SEZ6L: variants seen among roughly 807,000 people sequenced by gnomAD.
SEZ6L encodes the protein seizure 6-like protein.
A neutral mutation model predicts 106.2 loss-of-function variants in SEZ6L; 37 were observed. The ratio of observed to expected loss-of-function variants is 0.35; its 90% confidence interval spans 0.27 to 0.46. The LOEUF is 0.46. SEZ6L is among the 20% of genes least tolerant of loss of function. The probability of loss-of-function intolerance (pLI) is 1.00; values close to 1 mark genes in which losing one functional copy is unlikely to be tolerated. For synonymous variants in SEZ6L, 541 were observed against 570.4 expected (o/e 0.95, Z 0.73); for missense variants, 1,172 against 1,332.8 (o/e 0.88, Z 1.88).
Position 26,208,848 on chromosome 22 carries a change from CTCTGTGTGTGTG to C in SEZ6L, c.94+39087_94+39098del, listed in dbSNP as rs1459268309. On this transcript the variant is annotated intron_variant, in intron 1 of 16. Transcript: ENST00000248933. The stretch of plus-strand genomic sequence containing the variant: ...GTTTTTTTCTACTTCTTGACTCTCT[CTCTGTGTGTGTG>C]TGTGTGTGTGTGTGTGTGTGTGTGT... Among the ~76,000 whole-genome samples, 689 of 106,894 alleles carry C rather than the reference CTCTGTGTGTGTG, an allele frequency of 6.4e-3. 12 individuals carry two copies. Among genetic ancestry groups the C allele is most frequent in the South Asian group, 0.061 (196 of 3,210 alleles). The allele number at this position is 106,894 out of a possible 152,430, so 70.1% of individuals were successfully genotyped here.
chr22:26,289,909 A>T (rs1207519066), intron 1 of SEZ6L, among the ~76,000 whole-genome samples: 3 of 152,190 alleles, frequency 2.0e-5, no homozygotes, highest in African/African-American at 4.8e-5. Context: ...CTATCTAGAC[A>T]TCTTCACGGG....
Position 26,381,962 on chromosome 22 carries a change from C to T in SEZ6L, c.*1667C>T, listed in dbSNP as rs1227754049. The T allele has an allele frequency of 2.0e-5, 10 of 511,128 alleles. No homozygotes were observed. Among genetic ancestry groups the T allele is most frequent in the Non-Finnish European group, 3.5e-5 (9 of 255,998 alleles). The allele number at this position is 511,128 out of a possible 1,614,324, so 31.7% of individuals were successfully genotyped here. ...CAGGGAGTCTATGTTTTGGTGGTTA[C>T]ATTGGAAACATCTTAAGCAAGATAG... is the stretch of plus-strand genomic sequence containing the variant. On this transcript the variant is annotated 3_prime_UTR_variant, in exon 17 of 17. Coordinates refer to ENST00000248933, the MANE Select transcript of SEZ6L (RefSeq NM_021115.5).
At chr22:26,264,374 A>G (rs970986318) in intron 1 of SEZ6L, among the ~76,000 whole-genome samples, 4 of 152,226 alleles carry the variant, frequency 2.6e-5, no homozygotes, top group Non-Finnish European at 4.4e-5. Context: ...CAAATCACTT[A>G]ACCTCTCTGA....
At chr22:26,373,358 C>T in intron 13 of SEZ6L, 93 bp from the exon 14 acceptor site, 2 of 1,054,612 alleles carry the variant, frequency 1.9e-6, no homozygotes, top group Admixed American at 2.2e-5. Context: ...CAAAGCATGG[C>T]ATGGGCTTTT....
chr22:26,379,659 C>T (rs1189210118), intron 16 of SEZ6L, among the ~76,000 whole-genome samples: 5 of 152,194 alleles, frequency 3.3e-5, no homozygotes, highest in Non-Finnish European at 7.3e-5. Context: ...ATGTTGTAGT[C>T]GTTTCACATG....
chr22:26,229,561 C>T (rs80281671), intron 1 of SEZ6L, among the ~76,000 whole-genome samples: 3,786 of 152,290 alleles, frequency 0.025, 160 homozygotes, highest in African/African-American at 0.087. Context: ...CAATCTGTGA[C>T]TTAAGAAACA....
At chr22:26,300,514 A>G (rs1397291640) in intron 5 of SEZ6L, among the ~76,000 whole-genome samples, 1 of 152,184 alleles carries the variant, frequency 6.6e-6, no homozygotes, top group Non-Finnish European at 1.5e-5. Flanking sequence ...ATAGTATTCC[A>G]TGGTGTATAT....
At chr22:26,372,335 C>T (rs1468061885) in intron 13 of SEZ6L, among the ~76,000 whole-genome samples, 1 of 152,200 alleles carries the variant, frequency 6.6e-6, no homozygotes, top group Non-Finnish European at 1.5e-5. Context: ...TTCTAAGATT[C>T]CATGGACATT....
intron 1 of SEZ6L, among the ~76,000 whole-genome samples, chr22:26,253,752 T>C (rs1429001859): frequency 6.6e-6 from 1 of 152,224 alleles, no homozygotes; most frequent in African/African-American, 2.4e-5. Context: ...CCTGTGTATG[T>C]ATAAAAAACA....
intron 9 of SEZ6L, among the ~76,000 whole-genome samples, chr22:26,329,706 C>G (rs973321910): frequency 1.3e-5 from 2 of 152,186 alleles, no homozygotes; most frequent in Non-Finnish European, 2.9e-5. Flanking sequence ...CTGAAATGAG[C>G]ACAGAGGCCT....
chr22:26,350,903 G>A (rs1271117859), intron 11 of SEZ6L, 149 bp from the exon 12 acceptor site: 11 of 639,362 alleles, frequency 1.7e-5, no homozygotes, highest in Middle Eastern at 4.5e-4. Context: ...TGATCCACCC[G>A]CCTCGGCCTC....
At chr22:26,206,502 A>G (rs867343557) in intron 1 of SEZ6L, among the ~76,000 whole-genome samples, 1 of 152,252 alleles carries the variant, frequency 6.6e-6, no homozygotes, top group Non-Finnish European at 1.5e-5. Flanking sequence ...TAAGGAAACT[A>G]AAACCCAGAA....
chr22:26,211,435 A>G (rs1029491200), intron 1 of SEZ6L, among the ~76,000 whole-genome samples: 2 of 152,154 alleles, frequency 1.3e-5, no homozygotes, highest in African/African-American at 4.8e-5. Flanking sequence ...GGCCCAGAAT[A>G]TAAGTTCTAA....
intron 1 of SEZ6L, among the ~76,000 whole-genome samples, chr22:26,247,887 T>C (rs1201252047): frequency 6.6e-6 from 1 of 152,074 alleles, no homozygotes; most frequent in Non-Finnish European, 1.5e-5. Context: ...ACTTAAACGG[T>C]CTCCAGATGA....
rs117060775 is a variant in SEZ6L at position 26,210,133 on chromosome 22, C to A, written c.94+40370C>A. Among the ~76,000 whole-genome samples the A allele has an allele frequency of 2.8e-4, 43 of 152,306 alleles. No homozygotes were observed. The East Asian group carries it at 7.7e-3, about 27-fold the overall frequency. ...GGAGGATGACACTTAGTCCAACCAC[C>A]TGGGAAGCCTCTCAGTAGAGATGAA... On this transcript the variant is annotated intron_variant, in intron 1 of 16. Coordinates refer to ENST00000248933, the MANE Select transcript of SEZ6L (RefSeq NM_021115.5).
chr22:26,235,070 C>T (rs758809422), intron 1 of SEZ6L, among the ~76,000 whole-genome samples: 68 of 152,290 alleles, frequency 4.5e-4, no homozygotes, highest in Non-Finnish European at 2.4e-4. Context: ...GGGAAATATG[C>T]CTTTGCCTTC....
intron 1 of SEZ6L, among the ~76,000 whole-genome samples, chr22:26,232,435 A>G (rs531490464): frequency 6.6e-6 from 1 of 151,344 alleles, no homozygotes; most frequent in African/African-American, 2.4e-5. Context: ...CGTGTATTCA[A>G]ATGTCAACCT....
chr22:26,226,418 G>C (rs2078634967), intron 1 of SEZ6L, among the ~76,000 whole-genome samples: 1 of 152,186 alleles, frequency 6.6e-6, no homozygotes, highest in Non-Finnish European at 1.5e-5. Context: ...TCAAATTCCA[G>C]CTCAAGCATC....
intron 1 of SEZ6L, among the ~76,000 whole-genome samples, chr22:26,286,294 G>T: frequency 6.6e-6 from 1 of 152,188 alleles, no homozygotes; most frequent in East Asian, 1.9e-4. Context: ...CCTTGTGTGT[G>T]CATTCCTAGA....
Sources: allele counts gnomAD v4.1 joint callset (sites outside exome capture counted in the v4.1 genomes callset), GRCh38; gene constraint gnomAD v4.1.1; transcripts MANE v1.5; gene names NCBI Gene and HGNC (gene_info 2026-07-23, HGNC 2026-07-21).